SNX6: variants seen among roughly 807,000 people sequenced by gnomAD.
SNX6 encodes the protein sorting nexin-6.
SNX6 carries 34 observed loss-of-function variants against 63.0 expected under a neutral mutation model. That is an observed-to-expected ratio of 0.54 (90% CI 0.41 to 0.72). SNX6 has a LOEUF of 0.72. Among genes scored for constraint, SNX6 ranks in the 30% least tolerant of loss-of-function variants. The pLI is 0.00. For missense variants in SNX6, 398 were observed against 471.4 expected, an observed-to-expected ratio of 0.84 and a Z score of 1.44; for synonymous variants, 170 against 164.2, an observed-to-expected ratio of 1.04 and a Z score of -0.27.
At chr14:34,620,561 A>G (rs1409980836) in intron 2 of SNX6, among the ~76,000 whole-genome samples, 1 of 152,204 alleles carries the variant, frequency 6.6e-6, no homozygotes, top group African/African-American at 2.4e-5. Context: ...CTTGGCCTCT[A>G]TGCAGTATTC....
At chr14:34,604,746 C>T (rs1289932288) in intron 5 of SNX6, among the ~76,000 whole-genome samples, 1 of 151,584 alleles carries the variant, frequency 6.6e-6, no homozygotes, top group East Asian at 1.9e-4. Context: ...CAAAGTACTC[C>T]AAAATCTGAA....
Position 34,573,643 on chromosome 14 carries a change from AATTT to A in SNX6, c.921+2109_921+2112del, listed in dbSNP as rs532525670. Among the ~76,000 whole-genome samples, 119 of 150,222 alleles carry A rather than the reference AATTT, an allele frequency of 7.9e-4. 2 individuals carry two copies. In the East Asian group the frequency reaches 0.023, roughly 29 times the overall value. ...CACAGCTTTTTTTTTTTAATTAATT[AATTT>A]ATTTTTTTCGAGACGGAGTCTCGCT... On this transcript the variant is annotated intron_variant, in intron 11 of 13. Coordinates refer to ENST00000362031, the MANE Select transcript of SNX6 (RefSeq NM_152233.4).
intron 10 of SNX6, among the ~76,000 whole-genome samples, chr14:34,577,979 G>C (rs911244132): frequency 1.2e-4 from 18 of 152,162 alleles, no homozygotes. Flanking sequence ...CAAGGCAGGT[G>C]GATCATTTGA....
intron 11 of SNX6, among the ~76,000 whole-genome samples, chr14:34,572,899 G>A (rs561226827): frequency 2.0e-5 from 3 of 152,100 alleles, no homozygotes; most frequent in African/African-American, 7.2e-5. Flanking sequence ...AGCCAGGATG[G>A]TCTTGATCTC....
At chr14:34,605,846 CCAA>C in intron 4 of SNX6, 129 bp from the exon 5 acceptor site, 3 of 1,139,600 alleles carry the variant, frequency 2.6e-6, no homozygotes, top group Non-Finnish European at 3.6e-6. Flanking sequence ...CCAGGAACAC[CCAA>C]ATTCAGATTG....
At position 34,608,120 on chromosome 14, in the gene SNX6, T is replaced by C. The variant is rs771193546; in HGVS notation, c.180A>G (p.Lys60=). ...GCCGAACAACTGAAAACTCGTTTTG[T>C]TTAAAATTTGGCAATGAACTCTGTA... ...VHTKSSLPNF[K]QNEFSVVRQH... Residue 60 remains lysine (K), a synonymous_variant, in exon 4 of 14, where the codon AAA becomes AAG. Transcript: ENST00000362031. 1.9e-6 allele frequency: 3 copies of C among 1,604,560 alleles called. No individual in the cohort carries two copies. The highest frequency in any genetic ancestry group is 1.7e-6 in the Non-Finnish European group (2 of 1,174,912).
At chr14:34,629,238 TA>T (rs1468398504) in intron 2 of SNX6, among the ~76,000 whole-genome samples, 1 of 152,110 alleles carries the variant, frequency 6.6e-6, no homozygotes, top group African/African-American at 2.4e-5. Context: ...ATGTATACCT[TA>T]AGTATATACA....
intron 4 of SNX6, among the ~76,000 whole-genome samples, chr14:34,606,310 G>A (rs921498831): frequency 8.6e-5 from 13 of 151,444 alleles, no homozygotes; most frequent in African/African-American, 2.9e-4. Context: ...TGGTAGAGAC[G>A]GGGTTTCGCC....
In SNX6 at chr14:34,581,619, T is replaced by C. The variant is rs1359568570; in HGVS notation, c.795-19A>G. The C allele has an allele frequency of 2.8e-6, 4 of 1,431,016 alleles. No individual in the cohort carries two copies. Among genetic ancestry groups the C allele is most frequent in the South Asian group, 2.4e-5 (2 of 83,832 alleles). 88.6% of individuals were successfully genotyped at this position (1,431,016 alleles called of 1,614,324 possible). A position where few individuals can be genotyped will look rare whatever the true frequency, so the allele number is the denominator to read the frequency against. On this transcript the variant is annotated intron_variant, in intron 9 of 13. Transcript: ENST00000362031. ...AAAAAACCTGGAAAGGAAAATATTT[T>C]CATCATATTCTACATTCAAAGTAAT...
intron 8 of SNX6, among the ~76,000 whole-genome samples, chr14:34,587,270 T>C (rs34521925): frequency 0.01 from 1,542 of 151,662 alleles, 29 homozygotes; most frequent in African/African-American, 0.035. Flanking sequence ...CGGTGGCTCA[T>C]GCCTGTAATC....
chr14:34,565,186 T>TC (rs1253336041), intron 13 of SNX6, among the ~76,000 whole-genome samples: 1 of 151,268 alleles, frequency 6.6e-6, no homozygotes, highest in African/African-American at 2.4e-5. Flanking sequence ...CACGCCATTC[T>TC]CCTGCCTCAG....
chr14:34,577,279 G>T (rs1881749060), intron 10 of SNX6, among the ~76,000 whole-genome samples: 1 of 151,846 alleles, frequency 6.6e-6, no homozygotes, highest in Non-Finnish European at 1.5e-5. Context: ...AGTAGAGACG[G>T]GGTTTTGTCT....
chr14:34,597,862 G>C (rs1882663972), intron 6 of SNX6, among the ~76,000 whole-genome samples: 1 of 152,138 alleles, frequency 6.6e-6, no homozygotes, highest in Admixed American at 6.6e-5. Flanking sequence ...CAAAGATTCA[G>C]GTTCAGCTGG....
chr14:34,564,559 G>A (rs1881083812), intron 13 of SNX6, among the ~76,000 whole-genome samples: 1 of 152,044 alleles, frequency 6.6e-6, no homozygotes, highest in Non-Finnish European at 1.5e-5. Context: ...CAGGCGCGGT[G>A]GTTCACGCCT....
chr14:34,599,994 A>C (rs898893134), intron 6 of SNX6, among the ~76,000 whole-genome samples: 13 of 152,142 alleles, frequency 8.5e-5, no homozygotes, highest in Admixed American at 6.6e-5. Flanking sequence ...CTCTCCAGTA[A>C]AAGTCTTCAT....
intron 13 of SNX6, among the ~76,000 whole-genome samples, chr14:34,566,458 C>T (rs902894489): frequency 7.2e-5 from 11 of 152,128 alleles, no homozygotes; most frequent in Non-Finnish European, 1.5e-4. Context: ...GATAATCCAC[C>T]CGGTCTTGGC....
chr14:34,575,912 T>G, intron 10 of SNX6, 70 bp from the exon 11 acceptor site: 1 of 949,072 alleles, frequency 1.1e-6, no homozygotes, highest in Non-Finnish European at 1.6e-6. Flanking sequence ...TCCTTCTTTT[T>G]GTTGTTGTTG....
intron 6 of SNX6, among the ~76,000 whole-genome samples, chr14:34,601,137 A>C (rs1052817140): frequency 2.0e-5 from 3 of 151,692 alleles, no homozygotes; most frequent in Non-Finnish European, 4.4e-5. Context: ...TAGCTCAATC[A>C]CCTCCTTGGA....
intron 9 of SNX6, among the ~76,000 whole-genome samples, chr14:34,583,430 T>A (rs982671703): frequency 1.8e-5 from 1 of 54,432 alleles, no homozygotes; most frequent in South Asian, 6.3e-4. Flanking sequence ...TGGTTATTCA[T>A]TTTTTTCTTT....
Sources: gnomAD v4.1 joint callset for allele counts (sites outside exome capture counted in the v4.1 genomes callset) on GRCh38, gnomAD v4.1.1 for gene constraint, MANE v1.5 for transcripts, NCBI Gene and HGNC (gene_info 2026-07-23, HGNC 2026-07-21) for gene names.